The following ARL15 variants were observed in gnomAD, a reference collection of about 807,000 sequenced individuals.
The protein encoded by ARL15 is ARF like GTPase 15, also known as ADP-ribosylation factor-like protein 15.
In ARL15, 19 loss-of-function variants were observed where a neutral mutation model predicts 25.2. That is an observed-to-expected ratio of 0.75 (90% confidence interval 0.53 to 1.10). The LOEUF (loss-of-function observed/expected upper bound fraction) is 1.10. Ranked by LOEUF, ARL15 falls within the 50% of genes least tolerant of loss-of-function variation. The pLI, the probability that ARL15 is intolerant of heterozygous loss-of-function variation, is 0.00. For synonymous variants in ARL15, 94 were observed against 86.8 expected (o/e 1.08, Z -0.46); for missense variants, 220 against 246.0 (o/e 0.89, Z 0.71).
intron 4 of ARL15, among the ~76,000 whole-genome samples, chr5:53,893,608 AAAACAAACAAAC>A (rs34736180): frequency 1.3e-5 from 2 of 152,044 alleles, no homozygotes; most frequent in Non-Finnish European, 2.9e-5. Flanking sequence ...ACTCCATCTC[AAAACAAACAAAC>A]AAACAAACAA....
chr5:54,291,714 T>C (rs970703658), intron 1 of ARL15, among the ~76,000 whole-genome samples: 1 of 152,148 alleles, frequency 6.6e-6, no homozygotes, highest in Non-Finnish European at 1.5e-5. Flanking sequence ...GCCCCACTAG[T>C]TCCCATCTGA....
intron 1 of ARL15, among the ~76,000 whole-genome samples, chr5:54,248,389 G>C (rs1332211921): frequency 6.6e-6 from 1 of 152,054 alleles, no homozygotes; most frequent in African/African-American, 2.4e-5. Context: ...ACCATAGTTG[G>C]CCTCCTGGCT....
Position 53,886,351 on chromosome 5 carries a change from C to A in ARL15, c.*210G>T. ...ATTAGTGGTAAACAGAGAATAAATT[C>A]TCTCTCAGTAGTGTGTACTTGACGT... On this transcript the variant is annotated 3_prime_UTR_variant, in exon 5 of 5. Transcript: ENST00000504924. 1.9e-6 allele frequency: 1 copy of A among 513,880 alleles called. No homozygotes were observed. Among genetic ancestry groups the A allele is most frequent in the Middle Eastern group, 5.2e-4 (1 of 1,934 alleles). The allele number at this position is 513,880 out of a possible 1,614,324, so 31.8% of individuals were successfully genotyped here. A position where few individuals can be genotyped will look rare whatever the true frequency, so the allele number is the denominator to read the frequency against.
intron 4 of ARL15, among the ~76,000 whole-genome samples, chr5:54,042,473 C>T (rs1216868547): frequency 6.6e-6 from 1 of 152,182 alleles, no homozygotes; most frequent in Non-Finnish European, 1.5e-5. Context: ...TCTGTAATTA[C>T]AGGTCGTGGA....
intron 1 of ARL15, among the ~76,000 whole-genome samples, chr5:54,309,186 G>T (rs955003547): frequency 6.6e-6 from 1 of 152,164 alleles, no homozygotes; most frequent in Non-Finnish European, 1.5e-5. Context: ...ATCAACAAAT[G>T]AACAACAAAA....
At chr5:53,889,827 T>C (rs1470012458) in intron 4 of ARL15, among the ~76,000 whole-genome samples, 13 of 149,592 alleles carry the variant, frequency 8.7e-5, no homozygotes, top group South Asian at 4.2e-4. Flanking sequence ...TTTTTTTTTT[T>C]CCGAGACAGA....
At chr5:54,251,977 C>T (rs980720975) in intron 1 of ARL15, among the ~76,000 whole-genome samples, 4 of 152,188 alleles carry the variant, frequency 2.6e-5, no homozygotes, top group African/African-American at 9.7e-5. Context: ...CAGAGGACCA[C>T]GTCAAACAAC....
chr5:54,133,027 T>C (rs1434314286), intron 3 of ARL15, among the ~76,000 whole-genome samples: 3 of 152,248 alleles, frequency 2.0e-5, no homozygotes, highest in Admixed American at 6.5e-5. Flanking sequence ...TGTAAATCTA[T>C]GTAAATTTTC....
intron 4 of ARL15, among the ~76,000 whole-genome samples, chr5:53,939,360 T>C (rs1297327826): frequency 6.6e-6 from 1 of 152,250 alleles, no homozygotes; most frequent in African/African-American, 2.4e-5. Context: ...CTGTTTGTTA[T>C]AATGTTATTA....
intron 4 of ARL15, among the ~76,000 whole-genome samples, chr5:54,042,684 T>A (rs1687500121): frequency 6.6e-6 from 1 of 152,224 alleles, no homozygotes; most frequent in African/African-American, 2.4e-5. Context: ...TTGATAACTT[T>A]TAAGTCGTCA....
intron 4 of ARL15, among the ~76,000 whole-genome samples, chr5:53,933,301 A>C (rs1746251498): frequency 6.6e-6 from 1 of 152,176 alleles, no homozygotes; most frequent in Admixed American, 6.5e-5. Flanking sequence ...TTTGAATAGC[A>C]TTCTTTCACA....
chr5:54,213,125 C>A (rs1254881610), intron 1 of ARL15, among the ~76,000 whole-genome samples: 3 of 152,020 alleles, frequency 2.0e-5, no homozygotes. Flanking sequence ...AAGTTTTAAA[C>A]CAAAGAAGAA....
intron 4 of ARL15, among the ~76,000 whole-genome samples, chr5:54,096,893 A>ATGTTGAACAAAATTCTTTATCC (rs1315865872): frequency 3.5e-4 from 53 of 152,226 alleles, no homozygotes; most frequent in African/African-American, 1.2e-3. Context: ...GGTCTATTTA[A>ATGTTGAACAAAATTCTTTATCC]TGTTGAACAA....
intron 4 of ARL15, among the ~76,000 whole-genome samples, chr5:53,970,775 A>G (rs1007957852): frequency 2.7e-4 from 41 of 152,350 alleles, no homozygotes; most frequent in African/African-American, 9.1e-4. Context: ...AAGTTATTAT[A>G]ACTAGTTTCA....
At chr5:54,063,398 G>A (rs1327806314) in intron 4 of ARL15, among the ~76,000 whole-genome samples, 1 of 152,200 alleles carries the variant, frequency 6.6e-6, no homozygotes, top group Non-Finnish European at 1.5e-5. Flanking sequence ...GTCCACCAGA[G>A]CCACACTCAT....
intron 4 of ARL15, among the ~76,000 whole-genome samples, chr5:54,049,891 T>C (rs1229889915): frequency 2.0e-5 from 3 of 152,110 alleles, no homozygotes; most frequent in Non-Finnish European, 4.4e-5. Flanking sequence ...GATTTTAATC[T>C]TCAGCTTGCA....
intron 4 of ARL15, among the ~76,000 whole-genome samples, chr5:54,104,920 C>A (rs1282250175): frequency 2.6e-5 from 4 of 151,942 alleles, no homozygotes; most frequent in African/African-American, 9.7e-5. Flanking sequence ...AAAAAGTAAA[C>A]CATTTGTGCA....
chr5:54,213,414 G>A (rs1015180066), intron 1 of ARL15, among the ~76,000 whole-genome samples: 2 of 152,188 alleles, frequency 1.3e-5, no homozygotes, highest in African/African-American at 4.8e-5. Context: ...AGATAAGGTG[G>A]CAGGAAGTAG....
intron 4 of ARL15, among the ~76,000 whole-genome samples, chr5:53,907,481 T>TAC (rs1745297199): frequency 4.3e-4 from 15 of 35,020 alleles, no homozygotes; most frequent in African/African-American, 1.6e-3. Flanking sequence ...TATATATATA[T>TAC]ATATATATTT....
Sources: allele counts gnomAD v4.1 joint callset (sites outside exome capture counted in the v4.1 genomes callset), GRCh38; gene constraint gnomAD v4.1.1; transcripts MANE v1.5; gene names NCBI Gene and HGNC (gene_info 2026-07-23, HGNC 2026-07-21).